CDH23: variants seen among roughly 807,000 people sequenced by gnomAD.
The protein encoded by CDH23 is cadherin related 23.
CDH23 carries 189 observed loss-of-function variants against 317.1 expected under a neutral mutation model. The ratio of observed to expected loss-of-function variants is 0.60; its 90% CI spans 0.53 to 0.67. CDH23 has a LOEUF of 0.67. Ranked by LOEUF, CDH23 falls within the 30% of genes least tolerant of loss-of-function variation. The pLI, the probability that CDH23 is intolerant of heterozygous loss-of-function variation, is 0.00. For synonymous variants in CDH23, 1,839 were observed against 1,876.8 expected (o/e 0.98, Z 0.52); for missense variants, 4,401 against 4,592.4 (o/e 0.96, Z 1.20).
intron 6 of CDH23, among the ~76,000 whole-genome samples, chr10:71,517,695 G>A (rs1170925164): frequency 6.6e-6 from 1 of 152,188 alleles, no homozygotes; most frequent in Non-Finnish European, 1.5e-5. Context: ...TATACCTTGG[G>A]GCCACGGGCC....
At chr10:71,740,432 A>G (rs908349422) in intron 36 of CDH23, among the ~76,000 whole-genome samples, 2 of 152,176 alleles carry the variant, frequency 1.3e-5, no homozygotes, top group African/African-American at 4.8e-5. Flanking sequence ...AGTGCGTGGG[A>G]CAGAGGCCTT....
At chr10:71,631,356 TGC>T (rs1224767862) in intron 11 of CDH23, among the ~76,000 whole-genome samples, 1 of 152,168 alleles carries the variant, frequency 6.6e-6, no homozygotes, top group Non-Finnish European at 1.5e-5. Context: ...GACACCCTGA[TGC>T]TTCACTTTAG....
chr10:71,508,328 A>G (rs1255065847), intron 3 of CDH23: 1 of 152,168 alleles, frequency 6.6e-6, no homozygotes, highest in African/African-American at 2.4e-5. Context: ...TTGAGTGTTG[A>G]GATATCTGTG....
chr10:71,651,615 C>T lies in CDH23; in HGVS notation c.1449+4998C>T, dbSNP rs114478520. Among the ~76,000 whole-genome samples the T allele has an allele frequency of 2.0e-3, 306 of 151,330 alleles. 2 individuals carry two copies. Among genetic ancestry groups the T allele is most frequent in the African/African-American group, 7.1e-3 (293 of 41,228 alleles). ...GTGCAAAGGCCCCGTGGCTGGAGTA[C>T]AGTGAGGACGTGTGTGATGTGTGGG... On this transcript the variant is annotated intron_variant, in intron 14 of 69. Transcript: ENST00000224721.
chr10:71,685,835 G>A (rs1377260890), intron 18 of CDH23, among the ~76,000 whole-genome samples: 1 of 152,240 alleles, frequency 6.6e-6, no homozygotes, highest in Non-Finnish European at 1.5e-5. Context: ...CCTTCAGGGT[G>A]ATTTTGCACG....
chr10:71,484,815 G>C (rs1291511899), intron 3 of CDH23, among the ~76,000 whole-genome samples: 4 of 152,052 alleles, frequency 2.6e-5, no homozygotes, highest in Non-Finnish European at 5.9e-5. Flanking sequence ...TAGTTTGCTG[G>C]GGTTTTATTA....
intron 9 of CDH23, among the ~76,000 whole-genome samples, chr10:71,608,516 A>C (rs575306806): frequency 6.6e-6 from 1 of 152,298 alleles, no homozygotes; most frequent in East Asian, 1.9e-4. Context: ...ACACAGGACT[A>C]GGCCCCAAGT....
intron 38 of CDH23, among the ~76,000 whole-genome samples, chr10:71,743,368 A>C (rs554831959): frequency 2.0e-5 from 3 of 152,326 alleles, no homozygotes; most frequent in Admixed American, 6.5e-5. Flanking sequence ...AGGTGGGGTC[A>C]CACCAGGTCT....
At chr10:71,550,907 G>A (rs1384178026) in intron 6 of CDH23, among the ~76,000 whole-genome samples, 1 of 152,218 alleles carries the variant, frequency 6.6e-6, no homozygotes, top group African/African-American at 2.4e-5. Context: ...TCTGGAAGAT[G>A]CTTCCCCTCC....
At chr10:71,796,464 G>C (rs536508008) in intron 48 of CDH23, among the ~76,000 whole-genome samples, 3 of 152,304 alleles carry the variant, frequency 2.0e-5, no homozygotes, top group Non-Finnish European at 4.4e-5. Context: ...ATTTAATCAA[G>C]ACAAAGGGAT....
At chr10:71,412,842 C>T (rs1304572893) in intron 1 of CDH23, among the ~76,000 whole-genome samples, 1 of 152,070 alleles carries the variant, frequency 6.6e-6, no homozygotes, top group Non-Finnish European at 1.5e-5. Context: ...TGTCTTGTTG[C>T]TGTTGACTTG....
intron 22 of CDH23, among the ~76,000 whole-genome samples, chr10:71,699,978 C>A (rs1865522862): frequency 6.6e-6 from 1 of 152,182 alleles, no homozygotes; most frequent in South Asian, 2.1e-4. Context: ...GAGAAACCAC[C>A]CACCATGTGA....
rs2133017161 is a variant in CDH23, at chr10:71,815,053, T to C, written c.9840T>C (p.Asp3280=). ...HKPPVELKGP[D]GIHVVHGSTG... Reference sequence around the variant, plus strand: ...CACCAGTGGAGCTCAAGGGGCCCGATGGGATCCATGTGGTGCACGGCAGCA... The same window carrying C: ...CACCAGTGGAGCTCAAGGGGCCCGACGGGATCCATGTGGTGCACGGCAGCA... The change falls in exon 70 of 70, where the codon GAT becomes GAC. Residue 3280 remains aspartate, a synonymous_variant. Coordinates refer to ENST00000224721, the MANE Select transcript of CDH23 (RefSeq NM_022124.6). 6.2e-7 allele frequency: 1 copy of C among 1,612,414 alleles called. No homozygotes were observed. Among genetic ancestry groups the C allele is most frequent in the South Asian group, 1.1e-5 (1 of 90,888 alleles).
At chr10:71,804,480 T>G (rs1163744836) in intron 55 of CDH23, among the ~76,000 whole-genome samples, 1 of 152,148 alleles carries the variant, frequency 6.6e-6, no homozygotes, top group Non-Finnish European at 1.5e-5. Context: ...TCCCCCAAAC[T>G]CCACCCAGGC....
chr10:71,446,068 G>A (rs1850149662), intron 2 of CDH23, among the ~76,000 whole-genome samples: 1 of 152,104 alleles, frequency 6.6e-6, no homozygotes, highest in African/African-American at 2.4e-5. Context: ...TGCTCCATGT[G>A]GGCCATGCTC....
At chr10:71,595,450 C>T (rs1026858824) in intron 9 of CDH23, among the ~76,000 whole-genome samples, 3 of 152,138 alleles carry the variant, frequency 2.0e-5, no homozygotes, top group African/African-American at 7.2e-5. Flanking sequence ...ATTCTATTTC[C>T]AATGCGGAGG....
At chr10:71,659,992 C>T (rs1387161421) in intron 14 of CDH23, among the ~76,000 whole-genome samples, 4 of 136,994 alleles carry the variant, frequency 2.9e-5, no homozygotes, top group Non-Finnish European at 6.1e-5. Context: ...GACGGAGCCT[C>T]GCTCCCTTGC....
intron 11 of CDH23, among the ~76,000 whole-genome samples, chr10:71,619,228 A>G (rs957755493): frequency 1.3e-5 from 2 of 151,926 alleles, no homozygotes; most frequent in African/African-American, 4.8e-5. Flanking sequence ...CCAGCTACTC[A>G]GGAAGGTGAG....
chr10:71,560,864 T>G lies in CDH23; in HGVS notation c.430-5878T>G, dbSNP rs543171211. Among the ~76,000 whole-genome samples, 4 of 152,226 alleles carry G rather than the reference T, an allele frequency of 2.6e-5. No homozygotes were observed. In the East Asian group the frequency reaches 5.8e-4, roughly 22 times the overall value. ...TATAACAGGCTCTGTAATAAGATATTAAAGACTGTAGCAGCATCTAGCAAG... is the reference window on the plus strand; with the variant it reads ...TATAACAGGCTCTGTAATAAGATATGAAAGACTGTAGCAGCATCTAGCAAG... On this transcript the variant is annotated intron_variant, in intron 6 of 69. Coordinates refer to ENST00000224721, the MANE Select transcript of CDH23 (RefSeq NM_022124.6).
Sources: allele counts gnomAD v4.1 joint callset (sites outside exome capture counted in the v4.1 genomes callset), GRCh38; gene constraint gnomAD v4.1.1; transcripts MANE v1.5; gene names NCBI Gene and HGNC (gene_info 2026-07-23, HGNC 2026-07-21).